The following DNAH5 variants were observed in gnomAD, a reference collection of about 807,000 sequenced individuals.
DNAH5 encodes dynein axonemal heavy chain 5.
A neutral mutation model predicts 518.2 loss-of-function variants in DNAH5; 372 were observed. The ratio of observed to expected loss-of-function variants is 0.72; its 90% CI spans 0.66 to 0.78. The LOEUF (loss-of-function observed/expected upper bound fraction) is 0.78, where lower values mean the gene tolerates loss of function less well. Among genes scored for constraint, DNAH5 ranks in the 30% least tolerant of loss-of-function variants. DNAH5 has a pLI of 0.00. For synonymous variants in DNAH5, 2,039 were observed against 2,025.9 expected (o/e 1.01, Z -0.17); for missense variants, 5,523 against 5,687.0 (o/e 0.97, Z 0.93).
chr5:13,692,592 C>T (rs1740840594), intron 78 of DNAH5, among the ~76,000 whole-genome samples: 1 of 152,130 alleles, frequency 6.6e-6, no homozygotes, highest in African/African-American at 2.4e-5. Context: ...ATTTTAAATC[C>T]CAGGACAGAG....
At position 13,823,274 on chromosome 5, in the gene DNAH5, T is replaced by C. The variant is rs750936569; in HGVS notation, c.6676A>G (p.Ile2226Val). The change falls in exon 40 of 79, where the codon ATT becomes GTT. Residue 2226 changes from isoleucine to valine, a missense_variant. Physicochemically the swap from Ile to Val is conservative, Grantham distance 29 (BLOSUM62 3). Around this residue, in one of 3 missense-constraint regions of DNAH5, gnomAD observed 5,121 missense variants for 5,223.3 expected, o/e 0.98. Coordinates refer to ENST00000265104, the MANE Select transcript of DNAH5 (RefSeq NM_001369.3). Reference protein sequence around the residue: ...KAGYPELEAAISRQVEEAGLI... With the variant: ...KAGYPELEAAVSRQVEEAGLI... ...GTGAAGCATATTACCTGTCTACTAA[T>C]TGCTGCTTCCAGTTCAGGGTAACCT... 1.6e-5 allele frequency: 25 copies of C among 1,606,856 alleles called. No individual in the cohort carries two copies. In the South Asian group the frequency reaches 2.6e-4, roughly 17 times the overall value.
At chr5:13,829,346 AAACTATGCATAT>A (rs1204858724) in intron 38 of DNAH5, among the ~76,000 whole-genome samples, 152 bp downstream of exon 38, 1 of 151,998 alleles carries the variant, frequency 6.6e-6, no homozygotes, top group Non-Finnish European at 1.5e-5. Flanking sequence ...ACTTCTTAAA[AAACTATGCATAT>A]AAAATTATTT....
intron 78 of DNAH5, among the ~76,000 whole-genome samples, chr5:13,698,355 T>C (rs1263740474): frequency 1.3e-5 from 2 of 152,318 alleles, no homozygotes; most frequent in East Asian, 3.9e-4. Context: ...CAACTCTCAT[T>C]ATACACAGTA....
chr5:13,967,727 GA>G (rs1781618018), intron 1 of DNAH5, among the ~76,000 whole-genome samples: 1 of 151,550 alleles, frequency 6.6e-6, no homozygotes, highest in Admixed American at 6.6e-5. Flanking sequence ...CCAATTCTGT[GA>G]GGAATGATGG....
intron 63 of DNAH5, 80 bp downstream of exon 63, chr5:13,753,153 A>G (rs926782655): frequency 1.9e-6 from 2 of 1,072,612 alleles, no homozygotes; most frequent in African/African-American, 3.1e-5. Flanking sequence ...GTTTTCAAAT[A>G]TTTCTTTACT....
intron 7 of DNAH5, among the ~76,000 whole-genome samples, chr5:13,917,724 T>A (rs930495441): frequency 1.3e-5 from 2 of 152,206 alleles, no homozygotes; most frequent in Admixed American, 6.5e-5. Flanking sequence ...AATGGAAAGA[T>A]AATCTAAAAG....
intron 1 of DNAH5, 38 bp from the exon 2 acceptor site, chr5:13,931,282 T>C: frequency 3.7e-6 from 6 of 1,612,742 alleles, no homozygotes; most frequent in Non-Finnish European, 4.2e-6. Flanking sequence ...TGGAAACTGC[T>C]GTTCTCAAGT....
chr5:13,780,926 C>T lies in DNAH5; in HGVS notation c.8854G>A (p.Ala2952Thr). The T allele has an allele frequency of 2.5e-6, 4 of 1,613,804 alleles. No homozygotes were observed. Among genetic ancestry groups the T allele is most frequent in the Non-Finnish European group, 3.4e-6 (4 of 1,179,800 alleles). Residue 2952 changes from alanine (A) to threonine (T), a missense_variant, in exon 53 of 79, where the codon GCC becomes ACC. This residue lies in a region of DNAH5 where 5,121 missense variants were observed against 5,223.3 expected (regional missense o/e 0.98). Coordinates refer to ENST00000265104, the MANE Select transcript of DNAH5 (RefSeq NM_001369.3). ...SRVIRTPQGNALLVGVGGSGK... is the reference protein window; with the variant it reads ...SRVIRTPQGNTLLVGVGGSGK... ...GATCCGCCCACCCCGACCAGGAGGGCATTTCCCTGAGGAGTACGAATGACA... is the reference window on the plus strand; with the variant it reads ...GATCCGCCCACCCCGACCAGGAGGGTATTTCCCTGAGGAGTACGAATGACA...
chr5:13,923,096 T>C (rs954696117), intron 4 of DNAH5, among the ~76,000 whole-genome samples, 184 bp downstream of exon 4: 11 of 152,342 alleles, frequency 7.2e-5, no homozygotes, highest in Middle Eastern at 3.4e-3. Context: ...TTAAGTCCTC[T>C]TACTCAAAAG....
At chr5:13,778,120 G>A (rs2126818298) in intron 53 of DNAH5, among the ~76,000 whole-genome samples, 1 of 152,248 alleles carries the variant, frequency 6.6e-6, no homozygotes, top group South Asian at 2.1e-4. Context: ...CAGGGTGCAA[G>A]AGAAAAGAGC....
intron 51 of DNAH5, among the ~76,000 whole-genome samples, chr5:13,786,817 T>C (rs1756101883): frequency 6.6e-6 from 1 of 152,154 alleles, no homozygotes. Context: ...AATTAGAATA[T>C]GGGGTGGAGG....
chr5:13,985,448 TATATATATATA>T, intron 1 of DNAH5, among the ~76,000 whole-genome samples: 1 of 142,898 alleles, frequency 7.0e-6, no homozygotes, highest in East Asian at 2.0e-4. Context: ...TATATATATA[TATATATATATA>T]TATATATAAA....
intron 47 of DNAH5, among the ~76,000 whole-genome samples, chr5:13,803,355 A>G (rs954065860): frequency 1.3e-5 from 2 of 152,212 alleles, no homozygotes; most frequent in African/African-American, 4.8e-5. Context: ...AAAAAGTAAA[A>G]TATGTCAAAA....
chr5:13,807,787 G>T, intron 46 of DNAH5, 62 bp from the exon 47 acceptor site: 1 of 1,433,288 alleles, frequency 7.0e-7, no homozygotes, highest in Non-Finnish European at 9.6e-7. Flanking sequence ...GGCTGAATTT[G>T]TCCCCCCAAA....
intron 21 of DNAH5, among the ~76,000 whole-genome samples, chr5:13,879,724 G>A (rs74574207): frequency 0.014 from 2,090 of 151,812 alleles, 48 homozygotes; most frequent in African/African-American, 0.046. Context: ...AAAAACAGTG[G>A]ATTCAAAGAG....
intron 75 of DNAH5, among the ~76,000 whole-genome samples, chr5:13,712,971 T>C (rs1284193155): frequency 6.6e-6 from 1 of 151,992 alleles, no homozygotes; most frequent in Non-Finnish European, 1.5e-5. Context: ...ACTGGGTATC[T>C]ACCCAGAAGA....
intron 45 of DNAH5, 143 bp downstream of exon 45, chr5:13,809,916 A>T (rs1760322209): frequency 1.2e-6 from 1 of 854,886 alleles, no homozygotes. Context: ...ACCACTGTTC[A>T]CTTTCTTCAC....
chr5:13,696,112 TA>T (rs1457181997), intron 78 of DNAH5, among the ~76,000 whole-genome samples: 2 of 152,196 alleles, frequency 1.3e-5, no homozygotes, highest in African/African-American at 2.4e-5. Context: ...TGTTCTTAGA[TA>T]CACTTTTTCC....
At chr5:13,789,752 A>G (rs1048884110) in intron 50 of DNAH5, among the ~76,000 whole-genome samples, 29 of 152,232 alleles carry the variant, frequency 1.9e-4, no homozygotes, top group African/African-American at 6.0e-4. Context: ...CTATTTCAAT[A>G]GTAATCTTTG....
Sources: allele counts gnomAD v4.1 joint callset (sites outside exome capture counted in the v4.1 genomes callset), GRCh38; gene constraint gnomAD v4.1.1; regional missense constraint gnomAD v4.1.1; transcripts MANE v1.5; gene names NCBI Gene and HGNC (gene_info 2026-07-23, HGNC 2026-07-21).